Variants in SKIL observed in about 807,000 individuals in gnomAD.
SKIL encodes SKI like proto-oncogene, also known as ski-like protein.
Under a neutral mutation model 69.6 loss-of-function variants are expected in SKIL, and 20 were observed. The ratio of observed to expected loss-of-function variants is 0.29; its 90% confidence interval spans 0.20 to 0.42. The LOEUF (loss-of-function observed/expected upper bound fraction) is 0.42, where lower values mean the gene tolerates loss of function less well. SKIL is among the 10% of genes least tolerant of loss of function. SKIL has a pLI of 1.00. For synonymous variants in SKIL, 310 were observed against 279.9 expected (o/e 1.11, Z -1.08); for missense variants, 745 against 783.1 (o/e 0.95, Z 0.58).
At chr3:170,364,106 A>T (rs1736377822) in intron 2 of SKIL, among the ~76,000 whole-genome samples, 1 of 152,126 alleles carries the variant, frequency 6.6e-6, no homozygotes, top group African/African-American at 2.4e-5. Context: ...GCCCACCGCC[A>T]TGCCCAGCTA....
At chr3:170,362,163 A>G (rs2108892278) in intron 2 of SKIL, among the ~76,000 whole-genome samples, 1 of 152,350 alleles carries the variant, frequency 6.6e-6, no homozygotes, top group Non-Finnish European at 1.5e-5. Flanking sequence ...AACAAAAAAA[A>G]TGACAGCTAG....
Position 170,360,232 on chromosome 3 carries a change from C to G in SKIL, c.-100C>G. 1 of 1,166,926 alleles carries G rather than the reference C, an allele frequency of 8.6e-7. No individual in the cohort carries two copies. The highest frequency in any genetic ancestry group is 2.5e-5 in the East Asian group (1 of 40,130). 72.3% of individuals were successfully genotyped at this position (1,166,926 alleles called of 1,614,324 possible). A position where few individuals can be genotyped will look rare whatever the true frequency, so the allele number is the denominator to read the frequency against. ...GCTTTGAAAGTTTGAGAGTAAGTTA[C>G]GATAGGCATTTGTATCCATTCATTA... is the stretch of plus-strand genomic sequence containing the variant. On this transcript the variant is annotated 5_prime_UTR_variant, in exon 2 of 7. Coordinates refer to ENST00000259119, the MANE Select transcript of SKIL (RefSeq NM_005414.5).
chr3:170,361,529 C>A, intron 2 of SKIL, 100 bp downstream of exon 2: 1 of 882,178 alleles, frequency 1.1e-6, no homozygotes. Flanking sequence ...GAACATTGCT[C>A]ATGCAACAAC....
At chr3:170,374,474 A>G (rs1297830689) in intron 2 of SKIL, among the ~76,000 whole-genome samples, 1 of 152,242 alleles carries the variant, frequency 6.6e-6, no homozygotes, top group Non-Finnish European at 1.5e-5. Flanking sequence ...ATTTAAATAC[A>G]CATAAAAATA....
chr3:170,386,729 T>C (rs943631279), intron 4 of SKIL, among the ~76,000 whole-genome samples: 2 of 152,134 alleles, frequency 1.3e-5, no homozygotes, highest in Non-Finnish European at 2.9e-5. Context: ...CTTGGCCTCC[T>C]AAAGCATTGG....
intron 2 of SKIL, among the ~76,000 whole-genome samples, chr3:170,366,672 A>AAC (rs778933453): frequency 0.047 from 5,264 of 112,338 alleles, 182 homozygotes; most frequent in African/African-American, 0.12. Context: ...TCTGTCTCAA[A>AAC]ACACACACAC....
intron 2 of SKIL, among the ~76,000 whole-genome samples, chr3:170,372,070 T>C (rs1403922450): frequency 6.6e-6 from 1 of 152,240 alleles, no homozygotes; most frequent in Non-Finnish European, 1.5e-5. Context: ...TGGAAAATAA[T>C]GTGTATGACA....
In SKIL at chr3:170,386,187, A is replaced by ACGGTGTGATCT. The variant is rs570247149; in HGVS notation, c.1429+1426_1429+1436dup. ...TATTTGTTGCCCAGGCTAGAGTGCA[A>ACGGTGTGATCT]CGGTGTGATCTCGGCTCACTGCAAT... On this transcript the variant is annotated intron_variant, in intron 4 of 6. Coordinates refer to ENST00000259119, the MANE Select transcript of SKIL (RefSeq NM_005414.5). 5.3e-5 allele frequency among the ~76,000 whole-genome samples: 8 copies of ACGGTGTGATCT among 149,556 alleles called. No individual in the cohort carries two copies. The East Asian group carries it at 1.6e-3, about 31-fold the overall frequency.
Position 170,361,243 on chromosome 3 carries a change from G to A in SKIL, c.912G>A (p.Val304=), listed in dbSNP as rs757181031. 6.2e-7 allele frequency: 1 copy of A among 1,614,162 alleles called. No homozygotes were observed. Among genetic ancestry groups the A allele is most frequent in the Admixed American group, 1.7e-5 (1 of 60,012 alleles). ...GAATGTTTGCACCCCAGACGTTTGT[G>A]ATGCATTCTCACAGATCACCTGACA... is the stretch of plus-strand genomic sequence containing the variant. ...CCGMFAPQTF[V]MHSHRSPDKR... The change falls in exon 2 of 7, where the codon GTG becomes GTA. Residue 304 remains valine, a synonymous_variant. Coordinates refer to ENST00000259119, the MANE Select transcript of SKIL (RefSeq NM_005414.5).
At chr3:170,362,800 G>C (rs961699317) in intron 2 of SKIL, among the ~76,000 whole-genome samples, 13 of 148,538 alleles carry the variant, frequency 8.8e-5, no homozygotes, top group Non-Finnish European at 1.6e-4. Context: ...GGGCGTCAGA[G>C]TAAGACTCCA....
intron 4 of SKIL, among the ~76,000 whole-genome samples, chr3:170,387,384 T>A (rs868332513): frequency 2.6e-5 from 4 of 152,150 alleles, no homozygotes; most frequent in Admixed American, 2.0e-4. Context: ...ATTTTCTATC[T>A]TTATGGATTT....
At chr3:170,378,884 T>TATTTATTTATTTA (rs1388194011) in intron 2 of SKIL, among the ~76,000 whole-genome samples, 25 of 145,162 alleles carry the variant, frequency 1.7e-4, no homozygotes, top group African/African-American at 7.0e-4. Flanking sequence ...TTTATTTATT[T>TATTTATTTATTTA]TTTTTATCTT....
chr3:170,375,751 A>AC (rs1560213531), intron 2 of SKIL, among the ~76,000 whole-genome samples: 1 of 151,028 alleles, frequency 6.6e-6, no homozygotes, highest in Non-Finnish European at 1.5e-5. Context: ...ATTAAAAACA[A>AC]TTTTTTTTGT....
intron 3 of SKIL, among the ~76,000 whole-genome samples, chr3:170,383,510 ATTTG>A (rs372279602): frequency 3.9e-5 from 6 of 152,336 alleles, no homozygotes; most frequent in African/African-American, 9.6e-5. Flanking sequence ...TCTAGCTGAA[ATTTG>A]TTTGTCCCAT....
In SKIL at chr3:170,360,174, A is replaced by G; in HGVS notation, c.-158A>G. 1 of 677,964 alleles carries G rather than the reference A, an allele frequency of 1.5e-6. No individual in the cohort carries two copies. Among genetic ancestry groups the G allele is most frequent in the Non-Finnish European group, 2.4e-6 (1 of 413,936 alleles). 42.0% of individuals were successfully genotyped at this position (677,964 alleles called of 1,614,324 possible). The stretch of plus-strand genomic sequence containing the variant: ...CCAGATTATAAGGAGAACCAAAACT[A>G]AGTCGCAAAATTTATTAATTTAAGG... On this transcript the variant is annotated 5_prime_UTR_variant, in exon 2 of 7. Coordinates refer to ENST00000259119, the MANE Select transcript of SKIL (RefSeq NM_005414.5).
At chr3:170,365,751 G>GATTTTTT (rs1560207824) in intron 2 of SKIL, among the ~76,000 whole-genome samples, 1 of 92,444 alleles carries the variant, frequency 1.1e-5, no homozygotes, top group African/African-American at 5.3e-5. Context: ...GTCAAACTAG[G>GATTTTTT]CTTTTTTTTT....
At position 170,392,475 on chromosome 3, in the gene SKIL, T is replaced by C. The variant is rs1737974574; in HGVS notation, c.*58T>C. 8.8e-7 allele frequency: 1 copy of C among 1,136,870 alleles called. No homozygotes were observed. The highest frequency in any genetic ancestry group is 2.5e-5 in the Admixed American group (1 of 39,276). 70.4% of individuals were successfully genotyped at this position (1,136,870 alleles called of 1,614,324 possible). A position where few individuals can be genotyped will look rare whatever the true frequency, so the allele number is the denominator to read the frequency against. ...GACAAGGTTTTTTTTGTTTGTTGCT[T>C]GCTTTGGTAATTGAATTCTGAAGAA... is the stretch of plus-strand genomic sequence containing the variant. On this transcript the variant is annotated 3_prime_UTR_variant, in exon 7 of 7. Coordinates refer to ENST00000259119, the MANE Select transcript of SKIL (RefSeq NM_005414.5).
At chr3:170,381,804 G>A (rs1022552240) in intron 3 of SKIL, among the ~76,000 whole-genome samples, 3 of 151,988 alleles carry the variant, frequency 2.0e-5, no homozygotes, top group African/African-American at 7.2e-5. Context: ...AAATTAGGCT[G>A]GGCGCGGTGG....
intron 2 of SKIL, among the ~76,000 whole-genome samples, chr3:170,362,428 G>A (rs1251603537): frequency 3.3e-5 from 5 of 152,288 alleles, no homozygotes; most frequent in African/African-American, 4.8e-5. Context: ...CTTGAACCCC[G>A]GAGGCGGAGG....
Sources: gnomAD v4.1 joint callset for allele counts (sites outside exome capture counted in the v4.1 genomes callset) on GRCh38, gnomAD v4.1.1 for gene constraint, MANE v1.5 for transcripts, NCBI Gene and HGNC (gene_info 2026-07-23, HGNC 2026-07-21) for gene names.